Variants in MDGA2 observed in about 807,000 individuals in gnomAD.
MDGA2 encodes the protein MAM domain containing glycosylphosphatidylinositol anchor 2, also known as MAM domain-containing glycosylphosphatidylinositol anchor protein 2.
MDGA2 carries 40 observed loss-of-function variants against 117.8 expected under a neutral mutation model. The observed-to-expected ratio is 0.34, with a 90% CI of 0.26 to 0.44. The LOEUF (loss-of-function observed/expected upper bound fraction) is 0.44. Among genes scored for constraint, MDGA2 ranks in the 20% least tolerant of loss-of-function variants. The pLI, the probability that MDGA2 is intolerant of heterozygous loss-of-function variation, is 1.00. For missense variants in MDGA2, 1,123 were observed against 1,250.6 expected (o/e 0.90, Z 1.54); for synonymous variants, 452 against 439.0 (o/e 1.03, Z -0.37).
chr14:46,871,693 T>C (rs1882005001), intron 14 of MDGA2: 1 of 160,728 alleles, frequency 6.2e-6, no homozygotes, highest in Non-Finnish European at 1.4e-5. Flanking sequence ...TAACTTAAAC[T>C]ACAGCTTTCT....
intron 1 of MDGA2, among the ~76,000 whole-genome samples, chr14:47,372,062 T>C (rs1302601864): frequency 2.0e-5 from 3 of 151,810 alleles, no homozygotes; most frequent in Non-Finnish European, 1.5e-5. Flanking sequence ...ATGTTGGATA[T>C]TGCATTAACA....
intron 10 of MDGA2, among the ~76,000 whole-genome samples, chr14:46,901,913 T>G (rs1883302170): frequency 6.6e-6 from 1 of 152,132 alleles, no homozygotes; most frequent in Admixed American, 6.5e-5. Context: ...TCTTAATTAT[T>G]CATCATCATG....
intron 9 of MDGA2, among the ~76,000 whole-genome samples, chr14:46,949,216 A>G (rs1885281580): frequency 1.3e-5 from 2 of 152,050 alleles, no homozygotes; most frequent in African/African-American, 2.4e-5. Context: ...TCTTCCATTC[A>G]TGGGAGAACT....
chr14:46,958,459 T>C (rs751616242), intron 8 of MDGA2, among the ~76,000 whole-genome samples: 1 of 152,202 alleles, frequency 6.6e-6, no homozygotes, highest in East Asian at 1.9e-4. Flanking sequence ...ATAAAGGATT[T>C]ATATGATCAA....
chr14:47,067,115 C>A (rs1890114753), intron 6 of MDGA2, among the ~76,000 whole-genome samples: 1 of 152,134 alleles, frequency 6.6e-6, no homozygotes, highest in African/African-American at 2.4e-5. Flanking sequence ...AACTCCACCA[C>A]AAACAAAGAA....
intron 1 of MDGA2, among the ~76,000 whole-genome samples, chr14:47,654,920 A>G (rs1009547376): frequency 6.6e-6 from 1 of 152,134 alleles, no homozygotes; most frequent in East Asian, 1.9e-4. Context: ...GTTGGATAAG[A>G]GAGGCATTTT....
At chr14:46,858,424 T>C (rs1462466519) in intron 14 of MDGA2, among the ~76,000 whole-genome samples, 5 of 139,132 alleles carry the variant, frequency 3.6e-5, no homozygotes, top group Admixed American at 7.1e-5. Context: ...CTTTTTCTTT[T>C]TTTCTTTTTT....
rs573511706 is a variant in MDGA2 at position 46,880,712 on chromosome 14, T to C, written c.2416+1332A>G. Among the ~76,000 whole-genome samples, 3 of 139,710 alleles carry C rather than the reference T, an allele frequency of 2.1e-5. No homozygotes were observed. The South Asian group carries it at 6.5e-4, about 30-fold the overall frequency. The allele number at this position is 139,710 out of a possible 152,430, so 91.7% of individuals were successfully genotyped here. On this transcript the variant is annotated intron_variant, in intron 11 of 16. Transcript: ENST00000399232. ...AGCTACTCGGGAGGCTGAAGCAGGATAATTGCTTGTACCCAGGAGGTGGAG... is the reference window on the plus strand; with the variant it reads ...AGCTACTCGGGAGGCTGAAGCAGGACAATTGCTTGTACCCAGGAGGTGGAG...
At chr14:47,230,136 C>T (rs1886640643) in intron 2 of MDGA2, among the ~76,000 whole-genome samples, 2 of 151,906 alleles carry the variant, frequency 1.3e-5, no homozygotes, top group African/African-American at 4.8e-5. Context: ...AACAGTATTG[C>T]AAACACTGCA....
intron 1 of MDGA2, among the ~76,000 whole-genome samples, chr14:47,633,813 G>T (rs1897278773): frequency 6.6e-6 from 1 of 152,078 alleles, no homozygotes; most frequent in Non-Finnish European, 1.5e-5. Flanking sequence ...TCTTCCCTGG[G>T]TCTAAGCACC....
At chr14:46,952,457 A>G (rs1232230706) in intron 9 of MDGA2, among the ~76,000 whole-genome samples, 1 of 152,014 alleles carries the variant, frequency 6.6e-6, no homozygotes, top group African/African-American at 2.4e-5. Flanking sequence ...GAAATGATAC[A>G]TCACTTAACC....
chr14:47,236,814 C>A (rs1431472383), intron 2 of MDGA2, among the ~76,000 whole-genome samples: 1 of 152,066 alleles, frequency 6.6e-6, no homozygotes, highest in Non-Finnish European at 1.5e-5. Flanking sequence ...TTTCAAGAAG[C>A]TTTTTCCTGA....
intron 1 of MDGA2, chr14:47,626,675 G>C (rs1196637200): frequency 6.6e-6 from 1 of 152,548 alleles, no homozygotes; most frequent in East Asian, 1.9e-4. Context: ...CCGTCGGCCC[G>C]GGCGGTGAGG....
chr14:47,561,171 G>GGTTTTTTTTTT (rs1895803954), intron 1 of MDGA2, among the ~76,000 whole-genome samples: 1 of 68,494 alleles, frequency 1.5e-5, no homozygotes, highest in African/African-American at 5.4e-5. Flanking sequence ...TTGTTTTTTT[G>GGTTTTTTTTTT]TTTGTTTGTT....
At chr14:47,175,272 G>A (rs1200987294) in intron 3 of MDGA2, among the ~76,000 whole-genome samples, 83 of 151,304 alleles carry the variant, frequency 5.5e-4, no homozygotes, top group South Asian at 2.1e-3. Flanking sequence ...CAATAGAAAA[G>A]GAGGGAATCC....
At chr14:47,567,134 C>T (rs1255508128) in intron 1 of MDGA2, among the ~76,000 whole-genome samples, 1 of 151,866 alleles carries the variant, frequency 6.6e-6, no homozygotes, top group Non-Finnish European at 1.5e-5. Context: ...CTCATGGGCT[C>T]AAGTGATCCT....
At chr14:47,533,010 C>T (rs1266777626) in intron 1 of MDGA2, among the ~76,000 whole-genome samples, 3 of 152,214 alleles carry the variant, frequency 2.0e-5, no homozygotes, top group Admixed American at 6.5e-5. Flanking sequence ...CCCCATATTA[C>T]AGCTCCGTTG....
chr14:47,315,435 T>A (rs1022271739), intron 1 of MDGA2, among the ~76,000 whole-genome samples: 1 of 152,150 alleles, frequency 6.6e-6, no homozygotes, highest in Non-Finnish European at 1.5e-5. Context: ...ACTTATTGTG[T>A]TACTGTAAGT....
At chr14:47,494,449 A>C (rs1894236689) in intron 1 of MDGA2, among the ~76,000 whole-genome samples, 1 of 152,216 alleles carries the variant, frequency 6.6e-6, no homozygotes, top group Middle Eastern at 3.4e-3. Context: ...ACACATTTGC[A>C]TTGTTTGCAA....
Sources: allele counts gnomAD v4.1 joint callset (sites outside exome capture counted in the v4.1 genomes callset), GRCh38; gene constraint gnomAD v4.1.1; transcripts MANE v1.5; gene names NCBI Gene and HGNC (gene_info 2026-07-23, HGNC 2026-07-21).